Variants in ZNF385B observed in about 807,000 individuals in gnomAD.
ZNF385B encodes the protein zinc finger protein 533.
Under a neutral mutation model 39.2 loss-of-function variants are expected in ZNF385B, and 23 were observed. That is an observed-to-expected ratio of 0.59 (90% CI 0.42 to 0.83). The LOEUF is 0.83. ZNF385B is among the 40% of genes least tolerant of loss of function. The pLI, the probability that ZNF385B is intolerant of heterozygous loss-of-function variation, is 0.00. For synonymous variants in ZNF385B, 205 were observed against 222.6 expected (o/e 0.92, Z 0.70); for missense variants, 552 against 598.9 (o/e 0.92, Z 0.82).
intron 3 of ZNF385B, among the ~76,000 whole-genome samples, chr2:179,629,047 C>A (rs1379967825): frequency 6.6e-6 from 1 of 152,114 alleles, no homozygotes; most frequent in African/African-American, 2.4e-5. Context: ...GAAATTATTT[C>A]CTGTGTCTTT....
At chr2:179,601,893 T>A (rs1432297816) in intron 3 of ZNF385B, among the ~76,000 whole-genome samples, 1 of 152,172 alleles carries the variant, frequency 6.6e-6, no homozygotes, top group African/African-American at 2.4e-5. Flanking sequence ...CTGTTAAAGC[T>A]ATGATCTGCT....
At chr2:179,662,590 G>C (rs1307487828) in intron 3 of ZNF385B, among the ~76,000 whole-genome samples, 1 of 152,064 alleles carries the variant, frequency 6.6e-6, no homozygotes, top group South Asian at 2.1e-4. Context: ...ATAGCAGTAG[G>C]ATTATCTGTT....
chr2:179,767,929 A>T (rs1413106535), intron 3 of ZNF385B, among the ~76,000 whole-genome samples: 1 of 148,138 alleles, frequency 6.8e-6, no homozygotes, highest in African/African-American at 2.5e-5. Context: ...ATTATTAATA[A>T]TATAATATTA....
At chr2:179,833,648 G>T (rs1403756013) in intron 1 of ZNF385B, among the ~76,000 whole-genome samples, 1 of 151,900 alleles carries the variant, frequency 6.6e-6, no homozygotes, top group East Asian at 1.9e-4. Context: ...TAAAACACCT[G>T]GTAGTACTGA....
At chr2:179,584,430 G>A (rs3106713) in intron 3 of ZNF385B, among the ~76,000 whole-genome samples, 34,345 of 151,998 alleles carry the variant, frequency 0.23, 4,597 homozygotes, top group East Asian at 0.65. Context: ...TGAGTCTAGG[G>A]GCAGGAAAGT....
intron 4 of ZNF385B, among the ~76,000 whole-genome samples, chr2:179,541,658 C>T (rs905777648): frequency 6.6e-6 from 1 of 152,142 alleles, no homozygotes; most frequent in Non-Finnish European, 1.5e-5. Context: ...GTACAATATA[C>T]TTTAAAAATT....
chr2:179,657,938 T>C (rs1413677444), intron 3 of ZNF385B, among the ~76,000 whole-genome samples: 1 of 152,224 alleles, frequency 6.6e-6, no homozygotes, highest in Non-Finnish European at 1.5e-5. Context: ...CTCAAGCTCA[T>C]GCTTTGCCAT....
intron 3 of ZNF385B, among the ~76,000 whole-genome samples, chr2:179,575,361 A>C (rs753389012): frequency 2.6e-5 from 4 of 152,220 alleles, no homozygotes; most frequent in Non-Finnish European, 4.4e-5. Context: ...TATATATTTC[A>C]ACTATAGTTA....
intron 6 of ZNF385B, among the ~76,000 whole-genome samples, chr2:179,463,717 G>A (rs544286232): frequency 1.4e-4 from 21 of 152,194 alleles, no homozygotes; most frequent in Non-Finnish European, 2.9e-4. Flanking sequence ...ATTCCATGGT[G>A]TATATGTGCC....
intron 3 of ZNF385B, among the ~76,000 whole-genome samples, chr2:179,563,110 T>A (rs1684130547): frequency 1.3e-5 from 2 of 152,226 alleles, no homozygotes; most frequent in Non-Finnish European, 2.9e-5. Flanking sequence ...TAGGGACGTG[T>A]ATGCATCTCA....
chr2:179,771,763 A>G (rs908723012), intron 1 of ZNF385B, among the ~76,000 whole-genome samples: 4 of 152,224 alleles, frequency 2.6e-5, no homozygotes, highest in Admixed American at 2.6e-4. Context: ...ATATTAAAAC[A>G]TATCATAAGA....
chr2:179,649,273 A>T (rs1025362633), intron 3 of ZNF385B, among the ~76,000 whole-genome samples: 11 of 152,244 alleles, frequency 7.2e-5, no homozygotes, highest in Non-Finnish European at 1.5e-4. Context: ...TGACAATGAC[A>T]CATAATCAGT....
chr2:179,777,497 T>C lies in ZNF385B; in HGVS notation c.-154-6825A>G, dbSNP rs530766967. Reference sequence around the variant, plus strand: ...ACATACTTTGAAATACACATATCTATAAACAAATACTATTAGGATGGAAAT... The same window carrying C: ...ACATACTTTGAAATACACATATCTACAAACAAATACTATTAGGATGGAAAT... On this transcript the variant is annotated intron_variant, in intron 1 of 9. Transcript: ENST00000410066. Among the ~76,000 whole-genome samples, 49 of 152,224 alleles carry C rather than the reference T, an allele frequency of 3.2e-4. No homozygotes were observed. In the South Asian group the frequency reaches 9.9e-3, roughly 31 times the overall value.
At chr2:179,667,870 C>T (rs954662008) in intron 3 of ZNF385B, among the ~76,000 whole-genome samples, 1 of 152,158 alleles carries the variant, frequency 6.6e-6, no homozygotes, top group Admixed American at 6.5e-5. Context: ...ATTTAAGTCC[C>T]AGCCAGCTAC....
intron 5 of ZNF385B, among the ~76,000 whole-genome samples, chr2:179,489,014 T>C (rs2054918601): frequency 6.6e-6 from 1 of 152,060 alleles, no homozygotes; most frequent in Admixed American, 6.6e-5. Flanking sequence ...GGCAGAATTA[T>C]AAAATGGGAG....
intron 1 of ZNF385B, among the ~76,000 whole-genome samples, chr2:179,800,527 A>T (rs1022908102): frequency 6.6e-6 from 1 of 152,074 alleles, no homozygotes; most frequent in East Asian, 1.9e-4. Flanking sequence ...CACATGTAAA[A>T]ATAAAAATAT....
chr2:179,469,368 T>A lies in ZNF385B; in HGVS notation c.715+13904A>T, dbSNP rs142078972. Among the ~76,000 whole-genome samples, 26 of 152,332 alleles carry A rather than the reference T, an allele frequency of 1.7e-4. No individual in the cohort carries two copies. In the East Asian group the frequency reaches 3.1e-3, roughly 18 times the overall value. ...AATTCGTGTTGGATTGCATTCAAAG[T>A]CTTGGGCTGCATGTGGCCTGTGGGC... On this transcript the variant is annotated intron_variant, in intron 6 of 9. Transcript: ENST00000410066.
chr2:179,692,343 C>A lies in ZNF385B; in HGVS notation c.298+77160G>T, dbSNP rs551273300. 2.0e-5 allele frequency among the ~76,000 whole-genome samples: 3 copies of A among 152,230 alleles called. No homozygotes were observed. In the South Asian group the frequency reaches 6.2e-4, roughly 32 times the overall value. On this transcript the variant is annotated intron_variant, in intron 3 of 9. Coordinates refer to ENST00000410066, the MANE Select transcript of ZNF385B (RefSeq NM_152520.6). ...GAGACATTTAAGGTCCCTTATAGCT[C>A]CCTGGTTCCAGTTCTTCCCCAAGCA...
intron 3 of ZNF385B, among the ~76,000 whole-genome samples, chr2:179,578,391 T>A (rs1686086920): frequency 6.6e-6 from 1 of 152,128 alleles, no homozygotes; most frequent in African/African-American, 2.4e-5. Context: ...ATCTTAAAAC[T>A]GTAACAATTA....
Sources: gnomAD v4.1 joint callset for allele counts (sites outside exome capture counted in the v4.1 genomes callset) on GRCh38, gnomAD v4.1.1 for gene constraint, MANE v1.5 for transcripts, NCBI Gene and HGNC (gene_info 2026-07-23, HGNC 2026-07-21) for gene names.